Variants in ZMYM1 observed in about 807,000 individuals in gnomAD.
ZMYM1 encodes the protein zinc finger MYM-type protein 1.
ZMYM1 carries 39 observed loss-of-function variants against 60.0 expected under a neutral mutation model. The ratio of observed to expected loss-of-function variants is 0.65; its 90% CI spans 0.50 to 0.85. The LOEUF is 0.85. Ranked by LOEUF, ZMYM1 falls within the 40% of genes least tolerant of loss-of-function variation. ZMYM1 has a pLI of 0.00. For missense variants in ZMYM1, 1,171 were observed against 1,309.5 expected (o/e 0.89, Z 1.63); for synonymous variants, 413 against 454.0 (o/e 0.91, Z 1.15).
chr1:35,094,124 T>C, intron 2 of ZMYM1, 41 bp downstream of exon 2: 1 of 1,544,656 alleles, frequency 6.5e-7, no homozygotes, highest in Non-Finnish European at 8.8e-7. Flanking sequence ...TAGAGCAGCA[T>C]TTAACTATAA....
chr1:35,109,824 G>A (rs1435113418), intron 6 of ZMYM1, among the ~76,000 whole-genome samples: 1 of 151,588 alleles, frequency 6.6e-6, no homozygotes. Flanking sequence ...TCAGCTCACT[G>A]CAACCTCTGC....
At chr1:35,116,255 G>T (rs1252105677), downstream of ZMYM1, among the ~76,000 whole-genome samples, 1 of 152,194 alleles carries the variant, frequency 6.6e-6, no homozygotes, top group East Asian at 1.9e-4. Context: ...AAACAAGAAT[G>T]AAGTTAGGTA....
intron 6 of ZMYM1, among the ~76,000 whole-genome samples, chr1:35,107,978 A>G (rs960472992): frequency 1.3e-5 from 2 of 151,962 alleles, no homozygotes; most frequent in Admixed American, 1.3e-4. Flanking sequence ...GCATAGTGGC[A>G]CACACCTAAT....
chr1:35,088,736 G>GCC (rs2148503328), intron 1 of ZMYM1, among the ~76,000 whole-genome samples: 1 of 149,840 alleles, frequency 6.7e-6, no homozygotes, highest in African/African-American at 2.4e-5. Context: ...TACATGTTTT[G>GCC]CTCTTCTTAT....
intron 4 of ZMYM1, among the ~76,000 whole-genome samples, chr1:35,098,416 A>G (rs1252093816): frequency 6.6e-6 from 1 of 152,282 alleles, no homozygotes; most frequent in African/African-American, 2.4e-5. Flanking sequence ...CTAATTTTTA[A>G]ATGTTCTTGT....
chr1:35,118,700 C>A (rs1045418156), downstream of ZMYM1, among the ~76,000 whole-genome samples: 1 of 151,980 alleles, frequency 6.6e-6, no homozygotes, highest in Non-Finnish European at 1.5e-5. Context: ...GAGCAAGACT[C>A]CATCTCAAAA....
In ZMYM1 at chr1:35,104,325, T is replaced by C; in HGVS notation, c.450T>C (p.Ser150=). 1 of 1,602,690 alleles carries C rather than the reference T, an allele frequency of 6.2e-7. No homozygotes were observed. The highest frequency in any genetic ancestry group is 1.1e-5 in the South Asian group (1 of 89,732). Residue 150 remains serine (S), a synonymous_variant, in exon 5 of 10, where the codon AGT becomes AGC. Coordinates refer to ENST00000359858, the MANE Select transcript of ZMYM1 (RefSeq NM_024772.5). Reference sequence around the variant, plus strand: ...TTTTAAATCCAAAGGATGTGATTAGTGTCCAGCTGGAAGACACTACCTCTT... The same window carrying C: ...TTTTAAATCCAAAGGATGTGATTAGCGTCCAGCTGGAAGACACTACCTCTT... ...KDILNPKDVI[S]VQLEDTTSCK...
At chr1:35,105,431 C>G (rs965142081) in intron 6 of ZMYM1, among the ~76,000 whole-genome samples, 1 of 151,520 alleles carries the variant, frequency 6.6e-6, no homozygotes, top group African/African-American at 2.4e-5. Context: ...ACCACCACAC[C>G]TGACCTTATT....
intron 1 of ZMYM1, among the ~76,000 whole-genome samples, chr1:35,088,545 A>C (rs1642812848): frequency 6.8e-6 from 1 of 147,052 alleles, no homozygotes. Context: ...ACCAAGTAGT[A>C]TTGCCCAGCA....
rs537518829 is a variant in ZMYM1, at chr1:35,088,637, A to G, written c.-74-5277A>G. On this transcript the variant is annotated intron_variant, in intron 1 of 9. Coordinates refer to ENST00000359858, the MANE Select transcript of ZMYM1 (RefSeq NM_024772.5). ...GATTTAGCCCTAGTTTGGAAAGATGAGTAGGGCTATATTAAAAGAAAGTCT... is the reference window on the plus strand; with the variant it reads ...GATTTAGCCCTAGTTTGGAAAGATGGGTAGGGCTATATTAAAAGAAAGTCT... Among the ~76,000 whole-genome samples, 7 of 151,300 alleles carry G rather than the reference A, an allele frequency of 4.6e-5. No homozygotes were observed. In the South Asian group the frequency reaches 1.3e-3, roughly 27 times the overall value.
rs552922576 is a variant in ZMYM1, at chr1:35,098,036, AT to A, written c.419+471del. On this transcript the variant is annotated intron_variant, in intron 4 of 9. Transcript: ENST00000359858. ...AGTTCCTCTGATGGATTCTGTAGAA[AT>A]ATTTTTTTTTGCAGAAATTAATGTG... Among the ~76,000 whole-genome samples the A allele has an allele frequency of 2.2e-4, 34 of 152,298 alleles. No homozygotes were observed. The East Asian group carries it at 5.8e-3, about 26-fold the overall frequency.
In ZMYM1 at chr1:35,093,992, A is replaced by C. The variant is rs1643171020; in HGVS notation, c.5A>C (p.Lys2Thr). The change falls in exon 2 of 10, where the codon AAA becomes ACA. Residue 2 changes from lysine to threonine, a missense_variant. Lys to Thr is a moderately conservative substitution (Grantham distance 78). Transcript: ENST00000359858. ...TCCTTTGCATCAGATACTAAAATGAAAGAACCACTTTTAGGTGGTGAGTGT... is the reference window on the plus strand; with the variant it reads ...TCCTTTGCATCAGATACTAAAATGACAGAACCACTTTTAGGTGGTGAGTGT... M[K>T]EPLLGGECDK... The C allele has an allele frequency of 1.3e-6, 2 of 1,595,460 alleles. No individual in the cohort carries two copies. Among genetic ancestry groups the C allele is most frequent in the Non-Finnish European group, 1.7e-6 (2 of 1,171,336 alleles).
Position 35,114,696 on chromosome 1 carries a change from C to T in ZMYM1, c.2866C>T (p.Pro956Ser), listed in dbSNP as rs771145835. 2.5e-6 allele frequency: 4 copies of T among 1,581,954 alleles called. No individual in the cohort carries two copies. The highest frequency in any genetic ancestry group is 3.4e-6 in the Non-Finnish European group (4 of 1,168,392). ...DLGNSDNMFF[P>S]TSTEEQYKIN... is the part of the protein sequence containing the mutation. ...TGGCAATTCAGATAATATGTTTTTTCCTACTTCAACAGAAGAACAATATAA... is the reference window on the plus strand; with the variant it reads ...TGGCAATTCAGATAATATGTTTTTTTCTACTTCAACAGAAGAACAATATAA... Residue 956 changes from proline to serine, a missense_variant, in exon 10 of 10, where the codon CCT (proline) becomes TCT (serine). By Grantham distance (74) the Pro-to-Ser change is moderately conservative. Coordinates refer to ENST00000359858, the MANE Select transcript of ZMYM1 (RefSeq NM_024772.5).
intron 7 of ZMYM1, 36 bp from the exon 8 acceptor site, chr1:35,111,736 T>C (rs1222888927): frequency 1.1e-5 from 17 of 1,529,932 alleles, no homozygotes; most frequent in Middle Eastern, 2.0e-4. Context: ...TGATTGATTT[T>C]GCCTTGTTTA....
In ZMYM1 at chr1:35,115,094, T is replaced by C; in HGVS notation, c.3264T>C (p.Ser1088=). ...CAGCAAGTACTGAGAACTCATTTTC[T>C]ACCCTGCCTCGTCTTAAGACATATT... ...ITSASTENSF[S]TLPRLKTYLC... Residue 1088 remains serine, a synonymous_variant, in exon 10 of 10, where the codon TCT becomes TCC. Transcript: ENST00000359858. 6.2e-7 allele frequency: 1 copy of C among 1,614,128 alleles called. No homozygotes were observed. Among genetic ancestry groups the C allele is most frequent in the South Asian group, 1.1e-5 (1 of 91,082 alleles).
chr1:35,088,163 TA>T (rs1642758158), intron 1 of ZMYM1, among the ~76,000 whole-genome samples: 1 of 152,020 alleles, frequency 6.6e-6, no homozygotes. Context: ...CTCACACCTG[TA>T]ATCCCAACAC....
upstream of ZMYM1, among the ~76,000 whole-genome samples, chr1:35,078,582 T>C (rs1343167424): frequency 3.0e-5 from 4 of 134,902 alleles, no homozygotes; most frequent in African/African-American, 8.5e-5. Flanking sequence ...GCAGTCTCTC[T>C]CTGTCGCTCA....
In ZMYM1 at chr1:35,110,987, G is replaced by A. The variant is rs181766541; in HGVS notation, c.961+540G>A. ...TACATGTCTTTTTTTAGATTATTTA[G>A]TAAATGAATATATGTATGTTTACAT... On this transcript the variant is annotated intron_variant, in intron 7 of 9. Transcript: ENST00000359858. 5.5e-3 allele frequency among the ~76,000 whole-genome samples: 838 copies of A among 152,110 alleles called. 7 individuals are homozygous for A. The highest frequency in any genetic ancestry group is 0.024 in the East Asian group (124 of 5,184).
In ZMYM1 at chr1:35,104,344, AC is replaced by A; in HGVS notation, c.471del (p.Ser158LeufsTer30). On this transcript the variant is annotated frameshift_variant, in exon 5 of 10. Coordinates refer to ENST00000359858, the MANE Select transcript of ZMYM1 (RefSeq NM_024772.5). LOFTEE classifies it high-confidence loss of function. The stretch of plus-strand genomic sequence containing the variant: ...GATTAGTGTCCAGCTGGAAGACACT[AC>A]CTCTTGCAAAACTTTTTGCAGCCTA... ...DVISVQLEDT[T>X]SCKTFCSLSC... 6.2e-7 allele frequency: 1 copy of A among 1,610,644 alleles called. No individual in the cohort carries two copies. Among genetic ancestry groups the A allele is most frequent in the Non-Finnish European group, 8.5e-7 (1 of 1,179,144 alleles).
Sources: gnomAD v4.1 joint callset for allele counts (sites outside exome capture counted in the v4.1 genomes callset) on GRCh38, gnomAD v4.1.1 for gene constraint, MANE v1.5 for transcripts, NCBI Gene and HGNC (gene_info 2026-07-23, HGNC 2026-07-21) for gene names.